The following AR variants were observed in gnomAD, a reference collection of about 807,000 sequenced individuals.
The protein encoded by AR is androgen receptor, also known as dihydrotestosterone receptor.
In AR, 8 loss-of-function variants were observed where a neutral mutation model predicts 53.9. That is an observed-to-expected ratio of 0.15 (90% CI 0.09 to 0.27). The LOEUF (loss-of-function observed/expected upper bound fraction) is 0.27. Among genes scored for constraint, AR ranks in the 10% least tolerant of loss-of-function variants. AR has a pLI of 1.00. For synonymous variants in AR, 359 were observed against 316.4 expected (o/e 1.13, Z -1.43); for missense variants, 639 against 742.5 (o/e 0.86, Z 1.62).
At chrX:67,597,989 A>G (rs1043989873) in intron 1 of AR, among the ~76,000 whole-genome samples, 1 of 111,746 alleles carries the variant, frequency 8.9e-6, no homozygotes, top group East Asian at 2.8e-4. Flanking sequence ...TGCCTTTACT[A>G]CTGACTTAAC....
chrX:67,552,810 G>A (rs1440906296), intron 1 of AR, among the ~76,000 whole-genome samples: 1 of 111,692 alleles, frequency 9.0e-6, no homozygotes, highest in Non-Finnish European at 1.9e-5. Context: ...CAGTATCCAT[G>A]TTCTTATTGG....
intron 6 of AR, 95 bp from the exon 7 acceptor site, chrX:67,722,732 G>A (rs2076141017): frequency 1.9e-6 from 2 of 1,047,942 alleles, no homozygotes; most frequent in South Asian, 2.0e-5. Flanking sequence ...CTGTGGGGGT[G>A]GGGGTCAAGT....
At chrX:67,607,892 C>T (rs1923704857) in intron 1 of AR, among the ~76,000 whole-genome samples, 1 of 111,595 alleles carries the variant, frequency 9.0e-6, no homozygotes, top group South Asian at 3.8e-4. Context: ...ACAAGACACC[C>T]ATTTTGCATG....
intron 2 of AR, among the ~76,000 whole-genome samples, chrX:67,649,761 A>C (rs1347031287): frequency 1.8e-5 from 2 of 112,047 alleles, no homozygotes; most frequent in Admixed American, 9.5e-5. Flanking sequence ...AGTTCCTTGT[A>C]GATTCTGGAT....
chrX:67,608,753 T>C (rs2147384077), intron 1 of AR, among the ~76,000 whole-genome samples: 1 of 112,299 alleles, frequency 8.9e-6, no homozygotes, highest in South Asian at 3.7e-4. Flanking sequence ...TATTTAACCA[T>C]TTTTATTTTC....
At chrX:67,659,101 T>C (rs34135606) in intron 2 of AR, among the ~76,000 whole-genome samples, 1 of 111,170 alleles carries the variant, frequency 9.0e-6, no homozygotes, top group Non-Finnish European at 1.9e-5. Context: ...CCTCCTATGT[T>C]AGAATAGAAA....
intron 7 of AR, 70 bp downstream of exon 7, chrX:67,723,054 T>C: frequency 8.7e-7 from 1 of 1,151,638 alleles, no homozygotes; most frequent in Non-Finnish European, 1.2e-6. Context: ...TATGCTTCTC[T>C]AGAGTCTGGC....
intron 1 of AR, among the ~76,000 whole-genome samples, chrX:67,629,265 C>G (rs1924908284): frequency 9.3e-6 from 1 of 107,614 alleles, no homozygotes; most frequent in Admixed American, 1.0e-4. Context: ...TCCATCTGGT[C>G]CTGGACTCTT....
chrX:67,561,653 C>T (rs1921312059), intron 1 of AR, among the ~76,000 whole-genome samples: 1 of 111,142 alleles, frequency 9.0e-6, no homozygotes, highest in South Asian at 3.8e-4. Context: ...TACCAAGGGA[C>T]TATTATATGG....
chrX:67,584,365 G>A (rs1922433486), intron 1 of AR, among the ~76,000 whole-genome samples: 3 of 112,049 alleles, frequency 2.7e-5, no homozygotes, highest in African/African-American at 9.7e-5. Flanking sequence ...AAAGTGAATT[G>A]AATAGGCTCC....
At chrX:67,632,345 G>A (rs958304515) in intron 1 of AR, among the ~76,000 whole-genome samples, 13 of 112,720 alleles carry the variant, frequency 1.2e-4, no homozygotes, top group African/African-American at 2.9e-4. Context: ...CTCCTGGTGC[G>A]CCGTTTTTTA....
intron 3 of AR, chrX:67,694,817 T>G (rs1217597910): frequency 2.2e-5 from 25 of 1,113,626 alleles, no homozygotes; most frequent in East Asian, 3.4e-5. Context: ...GGAGCTTAGG[T>G]TTTTGCTCCT....
Position 67,725,149 on chromosome X carries a change from C to A in AR, c.*1308C>A. The A allele has an allele frequency of 5.7e-6, 1 of 175,877 alleles. No individual in the cohort carries two copies. The highest frequency in any genetic ancestry group is 8.0e-5 in the East Asian group (1 of 12,426). The allele number at this position is 175,877 out of a possible 1,213,427, so 14.5% of individuals were successfully genotyped here. A position where few individuals can be genotyped will look rare whatever the true frequency, so the allele number is the denominator to read the frequency against. ...CACACTGCATTTCAGCCATGGTCAT[C>A]AAGCCTGTTTGCTTCTTTTGGGCAT... On this transcript the variant is annotated 3_prime_UTR_variant, in exon 8 of 8. Coordinates refer to ENST00000374690, the MANE Select transcript of AR (RefSeq NM_000044.6).
intron 3 of AR, among the ~76,000 whole-genome samples, chrX:67,691,349 T>C (rs1391788425): frequency 8.9e-6 from 1 of 112,360 alleles, no homozygotes; most frequent in East Asian, 2.8e-4. Context: ...GTATGTGTCC[T>C]GAGAAAACTA....
At chrX:67,601,123 C>T (rs185290420) in intron 1 of AR, among the ~76,000 whole-genome samples, 2 of 112,062 alleles carry the variant, frequency 1.8e-5, no homozygotes, top group African/African-American at 6.5e-5. Context: ...AACTTGTTGA[C>T]AGCACATGTG....
At chrX:67,634,031 G>T (rs1438791869) in intron 1 of AR, among the ~76,000 whole-genome samples, 1 of 111,164 alleles carries the variant, frequency 9.0e-6, no homozygotes, top group Non-Finnish European at 1.9e-5. Flanking sequence ...TATAGTATGT[G>T]AAATATAACT....
At position 67,561,928 on chromosome X, in the gene AR, G is replaced by GTTT. The variant is rs757161392; in HGVS notation, c.1616+15191_1616+15193dup. 1.2e-3 allele frequency among the ~76,000 whole-genome samples: 97 copies of GTTT among 78,278 alleles called. 4 individuals are homozygous for GTTT. Among genetic ancestry groups the GTTT allele is most frequent in the African/African-American group, 4.9e-3 (87 of 17,754 alleles). 68.0% of individuals were successfully genotyped at this position (78,278 alleles called of 115,157 possible). The stretch of plus-strand genomic sequence containing the variant: ...GATTACAGTTCAGTAAACGAAAGAG[G>GTTT]TTTTTTTTTTTTTTTTTTTTTTTTT... On this transcript the variant is annotated intron_variant, in intron 1 of 7. Transcript: ENST00000374690.
At chrX:67,560,490 T>G (rs1313609285) in intron 1 of AR, among the ~76,000 whole-genome samples, 1 of 112,147 alleles carries the variant, frequency 8.9e-6, no homozygotes, top group Non-Finnish European at 1.9e-5. Flanking sequence ...GAGTCCTGTC[T>G]TATTTTTTCC....
At chrX:67,715,031 G>GA (rs1192761589) in intron 4 of AR, among the ~76,000 whole-genome samples, 3 of 111,092 alleles carry the variant, frequency 2.7e-5, no homozygotes, top group Non-Finnish European at 5.7e-5. Flanking sequence ...ATTTTAGGGA[G>GA]AAAAAAATAA....
Sources: allele counts gnomAD v4.1 joint callset (sites outside exome capture counted in the v4.1 genomes callset), GRCh38; gene constraint gnomAD v4.1.1; transcripts MANE v1.5; gene names NCBI Gene and HGNC (gene_info 2026-07-23, HGNC 2026-07-21).